The following TAFA1 variants were observed in gnomAD, a reference collection of about 807,000 sequenced individuals.
TAFA1 encodes the protein chemokine-like protein TAFA-1.
A neutral mutation model predicts 18.5 loss-of-function variants in TAFA1; 4 were observed. The observed-to-expected ratio is 0.22, with a 90% CI of 0.11 to 0.49. The LOEUF is 0.49. TAFA1 is among the 20% of genes least tolerant of loss of function. The probability of loss-of-function intolerance (pLI) is 0.98; values close to 1 mark genes in which losing one functional copy is unlikely to be tolerated. For synonymous variants in TAFA1, 56 were observed against 55.2 expected (o/e 1.01, Z -0.06); for missense variants, 147 against 169.0 (o/e 0.87, Z 0.72).
At chr3:68,483,733 G>C (rs776576149) in intron 3 of TAFA1, among the ~76,000 whole-genome samples, 1 of 152,190 alleles carries the variant, frequency 6.6e-6, no homozygotes, top group Non-Finnish European at 1.5e-5. Context: ...ACTTGTGGGA[G>C]AGAAGCCTTC....
intron 2 of TAFA1, among the ~76,000 whole-genome samples, chr3:68,201,944 A>C (rs73834892): frequency 0.045 from 6,900 of 151,710 alleles, 186 homozygotes; most frequent in East Asian, 0.091. Context: ...CTGGCTCTGT[A>C]AACCCACTCT....
At chr3:68,357,904 G>A (rs262242) in intron 2 of TAFA1, among the ~76,000 whole-genome samples, 74,308 of 151,698 alleles carry the variant, frequency 0.49, 18,676 homozygotes, top group East Asian at 0.73. Context: ...TTTTCTTTAA[G>A]AGGTGATAGA....
At chr3:68,239,322 A>G (rs1024108468) in intron 2 of TAFA1, among the ~76,000 whole-genome samples, 1 of 152,166 alleles carries the variant, frequency 6.6e-6, no homozygotes, top group Non-Finnish European at 1.5e-5. Context: ...AGTTATTAGA[A>G]CTCAGGAGCG....
At chr3:68,293,204 T>C (rs1266792812) in intron 2 of TAFA1, among the ~76,000 whole-genome samples, 1 of 152,146 alleles carries the variant, frequency 6.6e-6, no homozygotes, top group African/African-American at 2.4e-5. Flanking sequence ...CAGGGAAAAA[T>C]AATCATATGC....
At chr3:68,383,804 G>A (rs940821825) in intron 2 of TAFA1, among the ~76,000 whole-genome samples, 4 of 151,962 alleles carry the variant, frequency 2.6e-5, no homozygotes, top group Non-Finnish European at 4.4e-5. Context: ...AAACCTTCTG[G>A]TCCTGGGCTG....
At position 68,426,877 on chromosome 3, in the gene TAFA1, A is replaced by C. The variant is rs533680397; in HGVS notation, c.259+9457A>C. ...AGATTCATGACTGTGGGTATCATCT[A>C]AGAAATATTTCAAGAATTTTGATGT... On this transcript the variant is annotated intron_variant, in intron 3 of 4. Coordinates refer to ENST00000478136, the MANE Select transcript of TAFA1 (RefSeq NM_213609.4). Among the ~76,000 whole-genome samples the C allele has an allele frequency of 1.2e-3, 182 of 152,026 alleles. 1 individual carries two copies. Among genetic ancestry groups the C allele is most frequent in the Middle Eastern group, 3.4e-3 (1 of 294 alleles).
chr3:68,355,488 G>C (rs974232676), intron 2 of TAFA1, among the ~76,000 whole-genome samples: 11 of 151,962 alleles, frequency 7.2e-5, no homozygotes, highest in African/African-American at 2.4e-4. Flanking sequence ...TAATATATGT[G>C]AAGGGCTTAG....
intron 2 of TAFA1, among the ~76,000 whole-genome samples, chr3:68,262,657 C>T (rs1309658781): frequency 6.6e-6 from 1 of 151,756 alleles, no homozygotes; most frequent in African/African-American, 2.4e-5. Context: ...ATATATGTAC[C>T]ACATTTTCTT....
chr3:68,330,866 C>G (rs1216414354), intron 2 of TAFA1, among the ~76,000 whole-genome samples: 1 of 152,036 alleles, frequency 6.6e-6, no homozygotes, highest in African/African-American at 2.4e-5. Context: ...TTGTATTGCC[C>G]TTACTAGATT....
chr3:68,524,005 ACTTTCCCATTGC>A (rs1483943783), intron 3 of TAFA1, among the ~76,000 whole-genome samples: 2 of 152,162 alleles, frequency 1.3e-5, no homozygotes. Flanking sequence ...TTTTCTGACT[ACTTTCCCATTGC>A]CTTTTGTTGT....
chr3:68,089,006 G>A (rs771948981), intron 2 of TAFA1, among the ~76,000 whole-genome samples: 1 of 152,130 alleles, frequency 6.6e-6, no homozygotes, highest in African/African-American at 2.4e-5. Context: ...CTGGTTATAT[G>A]GTGGCTGCCA....
chr3:68,504,665 C>A (rs1559697326), intron 3 of TAFA1, among the ~76,000 whole-genome samples: 1 of 152,036 alleles, frequency 6.6e-6, no homozygotes, highest in Non-Finnish European at 1.5e-5. Context: ...TTGTACCTCA[C>A]CTTTTTCTTA....
At chr3:68,505,245 C>G (rs1364095981) in intron 3 of TAFA1, among the ~76,000 whole-genome samples, 4 of 152,108 alleles carry the variant, frequency 2.6e-5, no homozygotes, top group African/African-American at 7.2e-5. Context: ...AAACTACTGT[C>G]CTGGGAATAG....
intron 3 of TAFA1, among the ~76,000 whole-genome samples, chr3:68,516,929 A>ACGCT (rs2072929780): frequency 6.6e-6 from 1 of 151,990 alleles, no homozygotes; most frequent in African/African-American, 2.4e-5. Context: ...ATGCGCCACC[A>ACGCT]CACCTAGCTA....
chr3:68,002,305 T>C (rs1462627905), upstream of TAFA1, among the ~76,000 whole-genome samples: 3 of 152,252 alleles, frequency 2.0e-5, no homozygotes, highest in South Asian at 2.1e-4. Flanking sequence ...CGAGTCTTTA[T>C]TCCAGTATTT....
chr3:68,381,848 C>T (rs533630010), intron 2 of TAFA1, among the ~76,000 whole-genome samples: 1 of 152,242 alleles, frequency 6.6e-6, no homozygotes, highest in South Asian at 2.1e-4. Context: ...TGCCTTGTGC[C>T]AGTTTTCAAA....
At chr3:68,323,854 G>A (rs1485290924) in intron 2 of TAFA1, among the ~76,000 whole-genome samples, 2 of 152,114 alleles carry the variant, frequency 1.3e-5, no homozygotes, top group African/African-American at 4.8e-5. Flanking sequence ...TGTGTTCCAC[G>A]TTGGGAGGGC....
rs917738647 is a variant in TAFA1, at chr3:68,006,376, A to G, written c.-3-248A>G. 3 of 459,516 alleles carry G rather than the reference A, an allele frequency of 6.5e-6. No homozygotes were observed. The South Asian group carries it at 9.0e-5, about 14-fold the overall frequency. The allele number at this position is 459,516 out of a possible 1,614,324, so 28.5% of individuals were successfully genotyped here. A position where few individuals can be genotyped will look rare whatever the true frequency, so the allele number is the denominator to read the frequency against. On this transcript the variant is annotated intron_variant, in intron 1 of 4. Transcript: ENST00000478136. ...CGACTAACTGATAGCCTAAAACTTT[A>G]TTTTTGCATTTTGCCAATCCTTGGA...
At chr3:68,286,036 T>A (rs1575746815) in intron 2 of TAFA1, among the ~76,000 whole-genome samples, 1 of 151,454 alleles carries the variant, frequency 6.6e-6, no homozygotes, top group Non-Finnish European at 1.5e-5. Context: ...CATGGTGAAA[T>A]CCCGTCTCTA....
Sources: gnomAD v4.1 joint callset for allele counts (sites outside exome capture counted in the v4.1 genomes callset) on GRCh38, gnomAD v4.1.1 for gene constraint, MANE v1.5 for transcripts, NCBI Gene and HGNC (gene_info 2026-07-23, HGNC 2026-07-21) for gene names.